The following TENM3 variants were observed in gnomAD, a reference collection of about 807,000 sequenced individuals.
TENM3 encodes teneurin transmembrane protein 3.
Under a neutral mutation model 255.1 loss-of-function variants are expected in TENM3, and 63 were observed. The ratio of observed to expected loss-of-function variants is 0.25; its 90% CI spans 0.20 to 0.30. TENM3 has a LOEUF of 0.30. Ranked by LOEUF, TENM3 falls within the 10% of genes least tolerant of loss-of-function variation. The pLI is 1.00. For missense variants in TENM3, 2,929 were observed against 3,461.1 expected (o/e 0.85, Z 3.86); for synonymous variants, 1,306 against 1,322.3 (o/e 0.99, Z 0.27).
chr4:181,858,594 G>C, the TENM3 span, among the ~76,000 whole-genome samples: 1 of 152,216 alleles, frequency 6.6e-6, no homozygotes, highest in African/African-American at 2.4e-5. Context: ...GAGCCAGGAT[G>C]CGTTTGCAGA....
chr4:182,364,952 A>G (rs562140582), intron 3 of TENM3, among the ~76,000 whole-genome samples: 1 of 152,334 alleles, frequency 6.6e-6, no homozygotes, highest in South Asian at 2.1e-4. Context: ...TTTCAGAGCC[A>G]AAGGGCTATA....
chr4:182,395,723 AG>A (rs1213906607), intron 3 of TENM3, among the ~76,000 whole-genome samples: 7 of 152,320 alleles, frequency 4.6e-5, no homozygotes, highest in African/African-American at 1.7e-4. Flanking sequence ...AAGTTTGACA[AG>A]GACAAAGAGG....
chr4:182,487,298 T>C (rs1046568631), intron 3 of TENM3, among the ~76,000 whole-genome samples: 1 of 152,186 alleles, frequency 6.6e-6, no homozygotes, highest in Non-Finnish European at 1.5e-5. Flanking sequence ...GTGATTATTA[T>C]GGTTACTATT....
At chr4:182,056,099 G>A in the TENM3 span, among the ~76,000 whole-genome samples, 1 of 151,742 alleles carries the variant, frequency 6.6e-6, no homozygotes, top group Non-Finnish European at 1.5e-5. Flanking sequence ...AGAACTCAGT[G>A]GTAAATGTCA....
At chr4:182,083,142 A>G in the TENM3 span, among the ~76,000 whole-genome samples, 776 of 152,360 alleles carry the variant, frequency 5.1e-3, 7 homozygotes, top group African/African-American at 0.017. Flanking sequence ...TAGAAGACCT[A>G]CAACTTAATT....
the TENM3 span, among the ~76,000 whole-genome samples, chr4:181,489,243 C>T: frequency 3.3e-5 from 5 of 152,206 alleles, no homozygotes; most frequent in African/African-American, 1.2e-4. Flanking sequence ...AAGAATCATA[C>T]TTGTATCACT....
the TENM3 span, among the ~76,000 whole-genome samples, chr4:181,935,722 A>G: frequency 6.6e-6 from 1 of 152,262 alleles, no homozygotes; most frequent in Middle Eastern, 3.4e-3. Context: ...AGTGGTCTGC[A>G]AAACTCTCGA....
At chr4:181,903,982 C>T in the TENM3 span, among the ~76,000 whole-genome samples, 3 of 152,292 alleles carry the variant, frequency 2.0e-5, 1 homozygote, top group South Asian at 6.2e-4. Flanking sequence ...TAGCCCCACC[C>T]TCTCCCTTGA....
chr4:181,772,621 T>G, the TENM3 span, among the ~76,000 whole-genome samples: 5 of 152,162 alleles, frequency 3.3e-5, no homozygotes, highest in African/African-American at 1.2e-4. Flanking sequence ...AATCCCTGGT[T>G]TTGTCAGCCA....
the TENM3 span, among the ~76,000 whole-genome samples, chr4:181,898,204 G>A: frequency 6.6e-6 from 1 of 151,920 alleles, no homozygotes; most frequent in Non-Finnish European, 1.5e-5. Flanking sequence ...TTCATTGCTT[G>A]TTTTTAAATA....
At chr4:182,761,099 C>T (rs1209742563) in intron 22 of TENM3, among the ~76,000 whole-genome samples, 1 of 152,188 alleles carries the variant, frequency 6.6e-6, no homozygotes, top group Non-Finnish European at 1.5e-5. Context: ...GTGACCACTG[C>T]AATCGCTTCT....
At chr4:182,380,158 CT>C (rs1487865022) in intron 3 of TENM3, among the ~76,000 whole-genome samples, 2 of 152,290 alleles carry the variant, frequency 1.3e-5, no homozygotes, top group South Asian at 2.1e-4. Context: ...GTAATCCCGG[CT>C]ACTCTCGAGG....
intron 5 of TENM3, among the ~76,000 whole-genome samples, chr4:182,637,801 G>C (rs746450184): frequency 6.6e-6 from 1 of 152,092 alleles, no homozygotes; most frequent in Non-Finnish European, 1.5e-5. Context: ...GAGAAATGTA[G>C]GAAACTAAGA....
chr4:181,665,865 A>G, the TENM3 span, among the ~76,000 whole-genome samples: 1 of 152,124 alleles, frequency 6.6e-6, no homozygotes, highest in Admixed American at 6.5e-5. Flanking sequence ...ATATATCTAA[A>G]AATCTTAAAA....
the TENM3 span, among the ~76,000 whole-genome samples, chr4:181,617,358 T>C: frequency 6.6e-6 from 1 of 152,246 alleles, no homozygotes; most frequent in Non-Finnish European, 1.5e-5. Flanking sequence ...GAAGTAACTA[T>C]ACGGGGTGAT....
At chr4:182,404,261 C>G (rs1218123143) in intron 3 of TENM3, among the ~76,000 whole-genome samples, 2 of 151,984 alleles carry the variant, frequency 1.3e-5, no homozygotes, top group Admixed American at 1.3e-4. Flanking sequence ...TTCAGTGTAA[C>G]CTAAATGTGA....
chr4:182,069,937 T>C, the TENM3 span, among the ~76,000 whole-genome samples: 1 of 152,192 alleles, frequency 6.6e-6, no homozygotes, highest in Non-Finnish European at 1.5e-5. Context: ...TTTAGGATCA[T>C]TGACATCAAA....
At chr4:182,447,960 A>T (rs1219928776) in intron 3 of TENM3, among the ~76,000 whole-genome samples, 1 of 152,208 alleles carries the variant, frequency 6.6e-6, no homozygotes, top group Non-Finnish European at 1.5e-5. Flanking sequence ...AAAAAACACA[A>T]TTTTTTATAA....
At chr4:181,717,419 C>A in the TENM3 span, among the ~76,000 whole-genome samples, 1 of 152,142 alleles carries the variant, frequency 6.6e-6, no homozygotes, top group Non-Finnish European at 1.5e-5. Context: ...TACTTTCAAC[C>A]TGATGCTTCC....
Sources: gnomAD v4.1 joint callset for allele counts (sites outside exome capture counted in the v4.1 genomes callset) on GRCh38, gnomAD v4.1.1 for gene constraint, MANE v1.5 for transcripts, NCBI Gene and HGNC (gene_info 2026-07-23, HGNC 2026-07-21) for gene names.